CORO1C: variants seen among roughly 807,000 people sequenced by gnomAD.
CORO1C encodes coronin 1C.
In CORO1C, 14 loss-of-function variants were observed where a neutral mutation model predicts 51.2. The observed-to-expected ratio is 0.27, with a 90% CI of 0.18 to 0.43. CORO1C has a LOEUF of 0.43. Among genes scored for constraint, CORO1C ranks in the 20% least tolerant of loss-of-function variants. The probability of loss-of-function intolerance (pLI) is 1.00; values close to 1 mark genes in which losing one functional copy is unlikely to be tolerated. For synonymous variants in CORO1C, 181 were observed against 210.5 expected (o/e 0.86, Z 1.21); for missense variants, 417 against 607.8 (o/e 0.69, Z 3.30).
intron 3 of CORO1C, among the ~76,000 whole-genome samples, chr12:108,672,572 G>A (rs997673365): frequency 2.6e-5 from 4 of 151,658 alleles, no homozygotes; most frequent in African/African-American, 9.7e-5. Flanking sequence ...AGATGGAGAT[G>A]TAATTAATAT....
intron 10 of CORO1C, 124 bp from the exon 11 acceptor site, chr12:108,647,646 T>C (rs1220329097): frequency 2.5e-5 from 16 of 651,758 alleles, no homozygotes; most frequent in Middle Eastern, 8.5e-4. Context: ...AGTCACCAAG[T>C]TGAAAAGAGA....
At chr12:108,689,356 G>A (rs903622534) in intron 2 of CORO1C, among the ~76,000 whole-genome samples, 1 of 152,206 alleles carries the variant, frequency 6.6e-6, no homozygotes, top group Non-Finnish European at 1.5e-5. Context: ...TTCCCATGGT[G>A]ATAAAAAGTG....
intron 1 of CORO1C, among the ~76,000 whole-genome samples, chr12:108,713,095 T>C (rs2035229148): frequency 6.6e-6 from 1 of 151,780 alleles, no homozygotes; most frequent in South Asian, 2.1e-4. Context: ...AAAAAAAACA[T>C]GCCTTACCTA....
chr12:108,694,426 C>A (rs968549649), intron 2 of CORO1C, among the ~76,000 whole-genome samples: 1 of 151,830 alleles, frequency 6.6e-6, no homozygotes, highest in African/African-American at 2.4e-5. Context: ...ATAGTTAGCT[C>A]TTTATATGTA....
chr12:108,655,590 G>T (rs7310556), intron 6 of CORO1C, among the ~76,000 whole-genome samples: 2 of 152,096 alleles, frequency 1.3e-5, no homozygotes, highest in African/African-American at 4.8e-5. Flanking sequence ...CTGTGTTGGC[G>T]GGGCTGGTCT....
At chr12:108,657,023 A>T (rs1387470929) in intron 6 of CORO1C, among the ~76,000 whole-genome samples, 1 of 152,178 alleles carries the variant, frequency 6.6e-6, no homozygotes, top group Admixed American at 6.5e-5. Context: ...CCCCTCTGCA[A>T]GAAACACCCA....
chr12:108,692,794 C>CTTTTTTTTT (rs11447073), intron 2 of CORO1C, among the ~76,000 whole-genome samples: 4 of 111,662 alleles, frequency 3.6e-5, no homozygotes, highest in Non-Finnish European at 5.2e-5. Context: ...TAGACCACAG[C>CTTTTTTTTT]TTTTTTTTTT....
chr12:108,707,197 T>C (rs549191942), intron 1 of CORO1C, among the ~76,000 whole-genome samples: 2 of 152,096 alleles, frequency 1.3e-5, no homozygotes, highest in Non-Finnish European at 2.9e-5. Flanking sequence ...TGATTGGAAC[T>C]GCAAGGGATC....
intron 1 of CORO1C, among the ~76,000 whole-genome samples, chr12:108,703,563 C>T (rs557190249): frequency 1.1e-4 from 17 of 152,244 alleles, no homozygotes; most frequent in African/African-American, 3.9e-4. Context: ...TCAGGAGGAG[C>T]GCACAAAAAG....
intron 7 of CORO1C, among the ~76,000 whole-genome samples, 184 bp from the exon 8 acceptor site, chr12:108,652,601 C>T (rs1211549593): frequency 6.6e-6 from 1 of 152,198 alleles, no homozygotes; most frequent in African/African-American, 2.4e-5. Flanking sequence ...AAAGTAACCC[C>T]TTACTTATCA....
At chr12:108,705,193 T>C (rs984241232) in intron 1 of CORO1C, among the ~76,000 whole-genome samples, 3 of 152,060 alleles carry the variant, frequency 2.0e-5, no homozygotes, top group East Asian at 1.9e-4. Flanking sequence ...GTAATAAGAA[T>C]GTAGGCCGGG....
intron 3 of CORO1C, among the ~76,000 whole-genome samples, chr12:108,663,079 A>G (rs2033338081): frequency 6.6e-6 from 1 of 152,266 alleles, no homozygotes; most frequent in Non-Finnish European, 1.5e-5. Flanking sequence ...GATGTTTGGC[A>G]TTATTAGTAA....
rs531902776 is a variant in CORO1C, at chr12:108,661,844, C to T, written c.448+185G>A. ...TCGAAATGGCCTTGAAACACACACA[C>T]GTGCACACACACACAAGTATGTATG... On this transcript the variant is annotated intron_variant, in intron 4 of 10. Transcript: ENST00000261401. 1.2e-4 allele frequency among the ~76,000 whole-genome samples: 19 copies of T among 152,204 alleles called. 4 individuals are homozygous for T. The highest frequency in any genetic ancestry group is 2.6e-4 in the African/African-American group (11 of 41,510).
chr12:108,702,663 C>CACCT (rs2034909938), intron 1 of CORO1C: 1 of 908,012 alleles, frequency 1.1e-6, no homozygotes, highest in East Asian at 2.9e-5. Context: ...GGAGAGCTAA[C>CACCT]ACCTGTCCAC....
intron 2 of CORO1C, among the ~76,000 whole-genome samples, chr12:108,685,578 G>A (rs769494370): frequency 6.6e-6 from 1 of 151,214 alleles, no homozygotes; most frequent in Non-Finnish European, 1.5e-5. Flanking sequence ...ACTAGATTTG[G>A]ATAGGGAAAG....
intron 3 of CORO1C, among the ~76,000 whole-genome samples, chr12:108,668,949 A>AC (rs1445536151): frequency 6.6e-6 from 1 of 152,246 alleles, no homozygotes; most frequent in African/African-American, 2.4e-5. Context: ...CTGCTGAAGA[A>AC]AAGAACTCAC....
chr12:108,719,939 C>G (rs1158291844), intron 1 of CORO1C, among the ~76,000 whole-genome samples: 1 of 152,162 alleles, frequency 6.6e-6, no homozygotes, highest in Non-Finnish European at 1.5e-5. Flanking sequence ...AATCCCAGCA[C>G]TTTGGGAGGC....
chr12:108,658,689 ACT>A lies in CORO1C; in HGVS notation c.630+47_630+48del. ...CTGCCTTAAAAAGCAGAAAGCTCAC[ACT>A]CACTCAAGTGCTCCAACTACTGAGT... On this transcript the variant is annotated intron_variant, in intron 5 of 10. Coordinates refer to ENST00000261401, the MANE Select transcript of CORO1C (RefSeq NM_014325.4). The surrounding 1 kb of genome is among the most constrained non-coding windows in gnomAD (Gnocchi z 4.9). 6.3e-7 allele frequency: 1 copy of A among 1,580,210 alleles called. No individual in the cohort carries two copies. Among genetic ancestry groups the A allele is most frequent in the Admixed American group, 1.7e-5 (1 of 59,566 alleles).
rs561482250 is a variant in CORO1C at position 108,645,420 on chromosome 12, C to T, written c.*1983G>A. The T allele has an allele frequency of 6.6e-6, 1 of 152,324 alleles. No individual in the cohort carries two copies. Among genetic ancestry groups the T allele is most frequent in the East Asian group, 1.9e-4 (1 of 5,188 alleles). The allele number at this position is 152,324 out of a possible 1,614,324, so 9.4% of individuals were successfully genotyped here. On this transcript the variant is annotated 3_prime_UTR_variant, in exon 11 of 11. Transcript: ENST00000261401. ...TACGGTGTTTCACCACCATCAACAACTTTACTTCATTAATTCGATATCAGA... is the reference window on the plus strand; with the variant it reads ...TACGGTGTTTCACCACCATCAACAATTTTACTTCATTAATTCGATATCAGA...
Sources: allele counts gnomAD v4.1 joint callset (sites outside exome capture counted in the v4.1 genomes callset), GRCh38; gene constraint gnomAD v4.1.1; non-coding constraint Gnocchi (gnomAD v3.1); transcripts MANE v1.5; gene names NCBI Gene and HGNC (gene_info 2026-07-23, HGNC 2026-07-21).